Variants in FSHR observed in about 807,000 individuals in gnomAD.
FSHR encodes follicle stimulating hormone receptor, also known as follicle-stimulating hormone receptor.
Under a neutral mutation model 52.1 loss-of-function variants are expected in FSHR, and 46 were observed. The ratio of observed to expected loss-of-function variants is 0.88; its 90% CI spans 0.70 to 1.13. The LOEUF is 1.13. FSHR is among the 50% of genes most tolerant of loss of function. The pLI is 0.00. For synonymous variants in FSHR, 399 were observed against 309.6 expected (o/e 1.29, Z -3.03); for missense variants, 964 against 834.6 (o/e 1.16, Z -1.91).
intron 8 of FSHR, among the ~76,000 whole-genome samples, chr2:48,973,367 C>G (rs1353565930): frequency 6.9e-6 from 1 of 144,540 alleles, no homozygotes. Flanking sequence ...AGTGGACCCC[C>G]CGCCCCGCAG....
chr2:49,066,932 C>T (rs530080646), intron 2 of FSHR, among the ~76,000 whole-genome samples: 1 of 152,052 alleles, frequency 6.6e-6, no homozygotes, highest in South Asian at 2.1e-4. Context: ...ATAAAGCTCT[C>T]CCACTCTACT....
intron 2 of FSHR, among the ~76,000 whole-genome samples, chr2:49,044,089 G>A (rs1404943623): frequency 6.6e-6 from 1 of 152,046 alleles, no homozygotes; most frequent in Non-Finnish European, 1.5e-5. Flanking sequence ...AAATTTCTTC[G>A]GGGTTAGAAC....
At chr2:48,974,651 G>A (rs977461579) in intron 8 of FSHR, among the ~76,000 whole-genome samples, 2 of 152,206 alleles carry the variant, frequency 1.3e-5, no homozygotes, top group Admixed American at 6.5e-5. Flanking sequence ...TGTCTGAAGT[G>A]ATCAAACATG....
chr2:48,990,189 T>TTG (rs1675704268), intron 5 of FSHR, among the ~76,000 whole-genome samples: 1 of 152,280 alleles, frequency 6.6e-6, no homozygotes, highest in African/African-American at 2.4e-5. Context: ...TTAGATAGTT[T>TTG]CTTTGTGCCC....
At chr2:49,054,170 A>C (rs1172920172) in intron 2 of FSHR, among the ~76,000 whole-genome samples, 1 of 152,166 alleles carries the variant, frequency 6.6e-6, no homozygotes. Context: ...AGCACTAATG[A>C]TGTTACCTAT....
rs536930649 is a variant in FSHR at position 49,119,815 on chromosome 2, C to T, written c.152+34451G>A. Among the ~76,000 whole-genome samples, 32 of 152,304 alleles carry T rather than the reference C, an allele frequency of 2.1e-4. No homozygotes were observed. The East Asian group carries it at 5.8e-3, about 28-fold the overall frequency. ...GATTTCACACTTAGAGCTGTGTGAG[C>T]CAGCATGTTGCACAACCTGGCTGAA... is the stretch of plus-strand genomic sequence containing the variant. On this transcript the variant is annotated intron_variant, in intron 1 of 9. Transcript: ENST00000406846.
At chr2:48,964,146 A>G (rs1674366777) in intron 9 of FSHR, among the ~76,000 whole-genome samples, 180 bp from the exon 10 acceptor site, 1 of 152,044 alleles carries the variant, frequency 6.6e-6, no homozygotes, top group African/African-American at 2.4e-5. Flanking sequence ...GTAAATGAAT[A>G]TAACAACTTG....
At chr2:49,126,574 G>A (rs1672003894) in intron 1 of FSHR, among the ~76,000 whole-genome samples, 1 of 152,062 alleles carries the variant, frequency 6.6e-6, no homozygotes, top group Non-Finnish European at 1.5e-5. Flanking sequence ...TGAAGCTGAT[G>A]GTAATATCAA....
intron 9 of FSHR, among the ~76,000 whole-genome samples, chr2:48,966,973 G>A (rs1172756925): frequency 1.3e-5 from 2 of 152,194 alleles, no homozygotes; most frequent in South Asian, 2.1e-4. Context: ...GGAGATTCTG[G>A]TTGGGAGAGC....
At chr2:49,075,571 T>C (rs932311515) in intron 1 of FSHR, among the ~76,000 whole-genome samples, 4 of 152,096 alleles carry the variant, frequency 2.6e-5, no homozygotes, top group African/African-American at 9.7e-5. Flanking sequence ...GCATGAAAGA[T>C]GGCACTTAAC....
intron 4 of FSHR, among the ~76,000 whole-genome samples, chr2:49,004,692 G>A (rs1392604075): frequency 6.6e-6 from 1 of 152,136 alleles, no homozygotes; most frequent in Non-Finnish European, 1.5e-5. Flanking sequence ...GCTGATGGGA[G>A]TGTCTGATGA....
chr2:49,018,498 T>A (rs1667576937), intron 3 of FSHR, among the ~76,000 whole-genome samples: 1 of 152,210 alleles, frequency 6.6e-6, no homozygotes, highest in East Asian at 1.9e-4. Flanking sequence ...GGTGAGCACC[T>A]CTTTATGCAA....
At chr2:48,981,216 T>C (rs1016178512) in intron 8 of FSHR, among the ~76,000 whole-genome samples, 17 of 152,240 alleles carry the variant, frequency 1.1e-4, no homozygotes, top group African/African-American at 1.7e-4. Context: ...TTGTACTTCA[T>C]AGATAGATCA....
At chr2:48,994,642 T>C (rs79276866) in intron 4 of FSHR, among the ~76,000 whole-genome samples, 1,601 of 152,160 alleles carry the variant, frequency 0.011, 68 homozygotes, top group Admixed American at 0.07. Flanking sequence ...TGATGGAGGC[T>C]GGAAGTGGGT....
intron 6 of FSHR, 68 bp from the exon 7 acceptor site, chr2:48,983,234 G>T: frequency 6.9e-7 from 1 of 1,450,626 alleles, no homozygotes; most frequent in South Asian, 1.2e-5. Flanking sequence ...TTCATAATTG[G>T]AAGCACTGAG....
At chr2:49,128,187 T>C (rs1486228924) in intron 1 of FSHR, among the ~76,000 whole-genome samples, 1 of 152,040 alleles carries the variant, frequency 6.6e-6, no homozygotes, top group African/African-American at 2.4e-5. Context: ...AGCCAATTTA[T>C]GCTTGAACTC....
chr2:49,118,727 A>T lies in FSHR; in HGVS notation c.152+35539T>A, dbSNP rs144782825. 1.1e-3 allele frequency among the ~76,000 whole-genome samples: 172 copies of T among 152,308 alleles called. 3 individuals are homozygous for T. In the East Asian group the frequency reaches 0.029, roughly 26 times the overall value. On this transcript the variant is annotated intron_variant, in intron 1 of 9. Transcript: ENST00000406846. ...TATATGCTCATTAACATACCCAATC[A>T]CACACCCACCAGCACCATATCCGTT... is the stretch of plus-strand genomic sequence containing the variant.
rs1055380592 is a variant in FSHR at position 48,962,612 on chromosome 2, G to T, written c.*121C>A. The T allele has an allele frequency of 5.0e-6, 5 of 1,006,824 alleles. No homozygotes were observed. Among genetic ancestry groups the T allele is most frequent in the East Asian group, 2.5e-5 (1 of 39,784 alleles). The allele number at this position is 1,006,824 out of a possible 1,614,324, so 62.4% of individuals were successfully genotyped here. ...AGTTCCTGACCAATTTACCTTAAAG[G>T]TATGCCAGGAATATTAAATTAGATG... On this transcript the variant is annotated 3_prime_UTR_variant, in exon 10 of 10. Coordinates refer to ENST00000406846, the MANE Select transcript of FSHR (RefSeq NM_000145.4).
At chr2:49,125,224 C>T (rs1671956031) in intron 1 of FSHR, among the ~76,000 whole-genome samples, 1 of 152,088 alleles carries the variant, frequency 6.6e-6, no homozygotes, top group Non-Finnish European at 1.5e-5. Flanking sequence ...CATAGGGATG[C>T]TCAATCTTTT....
Sources: gnomAD v4.1 joint callset for allele counts (sites outside exome capture counted in the v4.1 genomes callset) on GRCh38, gnomAD v4.1.1 for gene constraint, MANE v1.5 for transcripts, NCBI Gene and HGNC (gene_info 2026-07-23, HGNC 2026-07-21) for gene names.